MID1: variants seen among roughly 807,000 people sequenced by gnomAD.
MID1 encodes E3 ubiquitin-protein ligase Midline-1.
Under a neutral mutation model 40.4 loss-of-function variants are expected in MID1, and 7 were observed. The ratio of observed to expected loss-of-function variants is 0.17; its 90% confidence interval spans 0.10 to 0.33. The LOEUF (loss-of-function observed/expected upper bound fraction) is 0.33, where lower values mean the gene tolerates loss of function less well. Ranked by LOEUF, MID1 falls within the 10% of genes least tolerant of loss-of-function variation. The probability of loss-of-function intolerance (pLI) is 1.00; values close to 1 mark genes in which losing one functional copy is unlikely to be tolerated. For missense variants in MID1, 367 were observed against 558.5 expected, an observed-to-expected ratio of 0.66 and a Z score of 3.46; for synonymous variants, 229 against 221.2, an observed-to-expected ratio of 1.04 and a Z score of -0.31.
intron 1 of MID1, among the ~76,000 whole-genome samples, chrX:10,798,705 A>G (rs1433669605): frequency 9.0e-6 from 1 of 111,570 alleles, no homozygotes; most frequent in African/African-American, 3.3e-5. Flanking sequence ...GGAGGAGAAG[A>G]GAAGGGAAGA....
At chrX:10,598,901 G>C (rs1318741821) in intron 1 of MID1, among the ~76,000 whole-genome samples, 1 of 111,681 alleles carries the variant, frequency 9.0e-6, no homozygotes, top group African/African-American at 3.3e-5. Flanking sequence ...TAATAAATGG[G>C]GTGTTGGTTT....
chrX:10,521,969 A>C lies in MID1; in HGVS notation c.756+1123T>G, dbSNP rs764768083. Among the ~76,000 whole-genome samples the C allele has an allele frequency of 9.9e-4, 111 of 111,637 alleles. 1 individual carries two copies. The highest frequency in any genetic ancestry group is 3.6e-3 in the African/African-American group (110 of 30,675). On this transcript the variant is annotated intron_variant, in intron 3 of 9. Coordinates refer to ENST00000317552, the MANE Select transcript of MID1 (RefSeq NM_000381.4). ...ATCCTCCCACCTCAGCCTCCCAAGT[A>C]ACTGGGACCACAGGTGTGTGCTCCC...
At chrX:10,727,373 C>T (rs1415114093) in intron 1 of MID1, among the ~76,000 whole-genome samples, 2 of 112,781 alleles carry the variant, frequency 1.8e-5, no homozygotes, top group Non-Finnish European at 3.7e-5. Flanking sequence ...CCCGCCTCAG[C>T]CTCCCAAAGT....
intron 2 of MID1, among the ~76,000 whole-genome samples, chrX:10,565,997 A>C (rs1167318802): frequency 9.1e-6 from 1 of 109,971 alleles, no homozygotes; most frequent in Non-Finnish European, 1.9e-5. Context: ...TTTAGTAGAG[A>C]TGGGGTTCCA....
chrX:10,820,168 T>C (rs1860088124), intron 1 of MID1, among the ~76,000 whole-genome samples: 1 of 112,316 alleles, frequency 8.9e-6, no homozygotes, highest in African/African-American at 3.2e-5. Context: ...TTATCTGTGC[T>C]GGACACATGC....
chrX:10,482,516 G>A lies in MID1; in HGVS notation c.977C>T (p.Ala326Val), dbSNP rs1930388923. ...AEHSLKENDHARFLQTAKNIT... is the reference protein window; with the variant it reads ...AEHSLKENDHVRFLQTAKNIT... ...ATTCTTAGCAGTCTGTAGGAAACGC[G>A]CATGATCATTCTCCTTCAGAGAGTG... The change falls in exon 5 of 10, where the codon GCG becomes GTG. Residue 326 changes from alanine (A) to valine (V), a missense_variant. Around this residue, in one of 3 missense-constraint regions of MID1, gnomAD observed 275 missense variants for 383.1 expected, o/e 0.72. Transcript: ENST00000317552. 1.7e-6 allele frequency: 2 copies of A among 1,209,199 alleles called. No individual in the cohort carries two copies. The highest frequency in any genetic ancestry group is 2.2e-6 in the Non-Finnish European group (2 of 894,949).
intron 4 of MID1, among the ~76,000 whole-genome samples, chrX:10,488,484 A>T (rs2147309016): frequency 8.9e-6 from 1 of 111,990 alleles, no homozygotes; most frequent in East Asian, 2.8e-4. Context: ...CCATCTTTTG[A>T]ATTTTAATTA....
At chrX:10,453,083 C>T (rs900972649) in intron 9 of MID1, among the ~76,000 whole-genome samples, 5 of 111,714 alleles carry the variant, frequency 4.5e-5, no homozygotes, top group Admixed American at 9.5e-5. Flanking sequence ...CAATCTAGCC[C>T]AGAGCCTAGT....
chrX:10,520,331 C>T (rs991930090), intron 3 of MID1, among the ~76,000 whole-genome samples: 4 of 111,932 alleles, frequency 3.6e-5, no homozygotes, highest in African/African-American at 1.3e-4. Flanking sequence ...AGCTCAATTT[C>T]AGCAATATTA....
chrX:10,671,419 G>C (rs756936157), intron 1 of MID1, among the ~76,000 whole-genome samples: 1 of 112,116 alleles, frequency 8.9e-6, no homozygotes, highest in Non-Finnish European at 1.9e-5. Context: ...ACCAAAGAGG[G>C]TTGATATGAA....
At chrX:10,594,777 G>A (rs1026876856) in intron 1 of MID1, among the ~76,000 whole-genome samples, 2 of 111,854 alleles carry the variant, frequency 1.8e-5, no homozygotes, top group African/African-American at 6.5e-5. Context: ...CCCTAATAGA[G>A]TAGCGCACTT....
At chrX:10,554,115 T>C (rs372284156) in intron 2 of MID1, among the ~76,000 whole-genome samples, 9 of 111,799 alleles carry the variant, frequency 8.1e-5, no homozygotes, top group Middle Eastern at 9.2e-3. Context: ...ACCCAGCTGC[T>C]CCCACCCACT....
chrX:10,662,556 G>A (rs596883), intron 1 of MID1, among the ~76,000 whole-genome samples: 62 of 111,135 alleles, frequency 5.6e-4, no homozygotes, highest in Non-Finnish European at 1.0e-3. Context: ...GGATGCGTGT[G>A]TACTCATACA....
intron 1 of MID1, among the ~76,000 whole-genome samples, chrX:10,592,902 T>C (rs1158850538): frequency 8.9e-6 from 1 of 112,213 alleles, no homozygotes; most frequent in East Asian, 2.8e-4. Flanking sequence ...TTGGATCTAA[T>C]TGAAAAGTTT....
intron 1 of MID1, among the ~76,000 whole-genome samples, chrX:10,821,912 T>C (rs1343558044): frequency 9.0e-6 from 1 of 111,429 alleles, no homozygotes; most frequent in African/African-American, 3.3e-5. Flanking sequence ...GGCTTTTGTT[T>C]ATATATGGGA....
chrX:10,745,388 G>T (rs1166992452), intron 1 of MID1, among the ~76,000 whole-genome samples: 2 of 112,070 alleles, frequency 1.8e-5, no homozygotes, highest in East Asian at 5.6e-4. Flanking sequence ...CAGGAAAGGG[G>T]GCACAGTGTG....
At chrX:10,700,649 C>T (rs185192091) in intron 1 of MID1, among the ~76,000 whole-genome samples, 156 of 112,168 alleles carry the variant, frequency 1.4e-3, no homozygotes, top group Non-Finnish European at 2.3e-3. Flanking sequence ...TTAAGGGGCA[C>T]AATCTTATGT....
intron 1 of MID1, among the ~76,000 whole-genome samples, chrX:10,666,089 A>G (rs1354420905): frequency 9.1e-6 from 1 of 109,868 alleles, no homozygotes; most frequent in African/African-American, 3.3e-5. Context: ...GAGAGAAAGA[A>G]TAAGTAAAAA....
intron 2 of MID1, among the ~76,000 whole-genome samples, chrX:10,560,765 G>C (rs1203692617): frequency 9.0e-6 from 1 of 111,490 alleles, no homozygotes; most frequent in Non-Finnish European, 1.9e-5. Context: ...ATGGATAGAA[G>C]AATCAGTATC....
Sources: gnomAD v4.1 joint callset for allele counts (sites outside exome capture counted in the v4.1 genomes callset) on GRCh38, gnomAD v4.1.1 for gene constraint, gnomAD v4.1.1 regional missense constraint, MANE v1.5 for transcripts, NCBI Gene and HGNC (gene_info 2026-07-23, HGNC 2026-07-21) for gene names.